USH2A: variants seen among roughly 807,000 people sequenced by gnomAD.
USH2A encodes usherin.
Under a neutral mutation model 538.9 loss-of-function variants are expected in USH2A, and 443 were observed. That is an observed-to-expected ratio of 0.82 (90% confidence interval 0.76 to 0.89). The LOEUF is 0.89. USH2A is among the 40% of genes least tolerant of loss of function. The pLI, the probability that USH2A is intolerant of heterozygous loss-of-function variation, is 0.00. For missense variants in USH2A, 6,633 were observed against 6,324.8 expected, an observed-to-expected ratio of 1.05 and a Z score of -1.65; for synonymous variants, 2,413 against 2,273.5, an observed-to-expected ratio of 1.06 and a Z score of -1.75.
At chr1:215,789,686 C>A (rs1393812324) in intron 51 of USH2A, among the ~76,000 whole-genome samples, 1 of 152,022 alleles carries the variant, frequency 6.6e-6, no homozygotes, top group Non-Finnish European at 1.5e-5. Flanking sequence ...TGATGGCTGG[C>A]GGGCTAGGGA....
intron 67 of USH2A, among the ~76,000 whole-genome samples, chr1:215,644,017 G>A (rs1656771689): frequency 6.6e-6 from 1 of 152,190 alleles, no homozygotes; most frequent in Non-Finnish European, 1.5e-5. Flanking sequence ...TTGGCTTCTG[G>A]ATGTAGTGCA....
At chr1:215,638,457 T>C (rs1415261408) in intron 69 of USH2A, among the ~76,000 whole-genome samples, 2 of 151,794 alleles carry the variant, frequency 1.3e-5, no homozygotes, top group South Asian at 4.2e-4. Context: ...CCATCTCTAC[T>C]GTAAATACAA....
chr1:216,415,555 G>C (rs11117571), intron 3 of USH2A, among the ~76,000 whole-genome samples: 1 of 137,272 alleles, frequency 7.3e-6, no homozygotes, highest in Admixed American at 7.6e-5. Flanking sequence ...TTGCTCTTTC[G>C]CCCAGGCTGG....
intron 21 of USH2A, among the ~76,000 whole-genome samples, chr1:216,098,628 G>A (rs529179322): frequency 6.6e-5 from 10 of 152,082 alleles, no homozygotes; most frequent in Middle Eastern, 6.8e-3. Context: ...TTGGACTGTC[G>A]TTTTTTCAAC....
chr1:216,415,395 A>T (rs1003174261), intron 3 of USH2A, among the ~76,000 whole-genome samples: 1 of 152,030 alleles, frequency 6.6e-6, no homozygotes, highest in Non-Finnish European at 1.5e-5. Flanking sequence ...CAATTAGTAC[A>T]TTCCTTATTA....
In USH2A at chr1:215,762,612, T is replaced by C. The variant is rs1485016945; in HGVS notation, c.11048-2769A>G. On this transcript the variant is annotated intron_variant, in intron 56 of 71. Coordinates refer to ENST00000307340, the MANE Select transcript of USH2A (RefSeq NM_206933.4). ...CTTGGATGGTGATATGGGGACATCG[T>C]TATCTTGGCAGCTGCAAGAAATCTT... Among the ~76,000 whole-genome samples the C allele has an allele frequency of 2.0e-5, 3 of 152,308 alleles. No homozygotes were observed. In the East Asian group the frequency reaches 5.8e-4, roughly 29 times the overall value.
At chr1:216,066,640 C>G (rs938067366) in intron 30 of USH2A, among the ~76,000 whole-genome samples, 1 of 152,066 alleles carries the variant, frequency 6.6e-6, no homozygotes. Flanking sequence ...CGTTTAATCC[C>G]CACAGCTGCC....
At chr1:216,137,323 A>G (rs1443666547) in intron 21 of USH2A, among the ~76,000 whole-genome samples, 1 of 152,218 alleles carries the variant, frequency 6.6e-6, no homozygotes, top group Non-Finnish European at 1.5e-5. Context: ...TTACAGTACT[A>G]CATGGCTGGG....
intron 14 of USH2A, among the ~76,000 whole-genome samples, chr1:216,224,885 T>C (rs2035530567): frequency 6.6e-6 from 1 of 152,178 alleles, no homozygotes; most frequent in South Asian, 2.1e-4. Context: ...TATAATCTAC[T>C]GTATATTTTG....
intron 42 of USH2A, 146 bp from the exon 43 acceptor site, chr1:215,878,026 G>C: frequency 8.7e-7 from 1 of 1,154,134 alleles, no homozygotes; most frequent in Non-Finnish European, 1.2e-6. Flanking sequence ...ACGTGGTTTT[G>C]TTTCAGATGA....
chr1:216,259,036 C>T (rs560939940), intron 11 of USH2A, among the ~76,000 whole-genome samples: 1 of 152,124 alleles, frequency 6.6e-6, no homozygotes, highest in East Asian at 1.9e-4. Context: ...CTTACTATAC[C>T]AGGGAAATGG....
chr1:216,421,357 T>C (rs1163620566), intron 2 of USH2A, among the ~76,000 whole-genome samples: 4 of 152,124 alleles, frequency 2.6e-5, no homozygotes, highest in Non-Finnish European at 5.9e-5. Flanking sequence ...TTACTGAACA[T>C]CTTCCATGAG....
At position 216,326,317 on chromosome 1, in the gene USH2A, C is replaced by T. The variant is rs11585676; in HGVS notation, c.849-718G>A. ...CACCTTCCCAGACATTTCAGGTAGG[C>T]CAAAATTAGTAATCAAGGTCTTACC... On this transcript the variant is annotated intron_variant, in intron 5 of 71. Transcript: ENST00000307340. Among the ~76,000 whole-genome samples, 1,268 of 152,286 alleles carry T rather than the reference C, an allele frequency of 8.3e-3. 11 individuals carry two copies. The highest frequency in any genetic ancestry group is 0.02 in the Middle Eastern group (6 of 294).
intron 32 of USH2A, among the ~76,000 whole-genome samples, chr1:216,020,960 G>C (rs933496056): frequency 3.9e-5 from 6 of 152,122 alleles, no homozygotes; most frequent in Admixed American, 1.3e-4. Flanking sequence ...GTGTAGCTCA[G>C]CTGGAGAGAA....
At chr1:215,722,554 G>A (rs975071202) in intron 61 of USH2A, among the ~76,000 whole-genome samples, 4 of 151,988 alleles carry the variant, frequency 2.6e-5, no homozygotes, top group African/African-American at 9.7e-5. Context: ...CTACTTAATG[G>A]TAAAGATATA....
intron 50 of USH2A, among the ~76,000 whole-genome samples, chr1:215,794,128 G>T (rs1253827442): frequency 2.0e-5 from 3 of 152,050 alleles, no homozygotes; most frequent in Admixed American, 6.6e-5. Flanking sequence ...CAACGCATCT[G>T]CCCAGAGAGA....
At chr1:215,744,310 T>C (rs962261430) in intron 58 of USH2A, among the ~76,000 whole-genome samples, 1 of 152,210 alleles carries the variant, frequency 6.6e-6, no homozygotes, top group African/African-American at 2.4e-5. Context: ...TTTTTCACCA[T>C]TCCTTCCTAA....
At chr1:216,204,239 C>T (rs1430707981) in intron 16 of USH2A, 2 of 152,366 alleles carry the variant, frequency 1.3e-5, no homozygotes, top group African/African-American at 2.4e-5. Context: ...TCACTTCCTT[C>T]CTATGACACG....
intron 3 of USH2A, among the ~76,000 whole-genome samples, chr1:216,411,989 A>T (rs536973232): frequency 1.3e-5 from 2 of 152,252 alleles, no homozygotes; most frequent in African/African-American, 4.8e-5. Context: ...CACTTACCAC[A>T]ATTATAATTT....
Sources: allele counts gnomAD v4.1 joint callset (sites outside exome capture counted in the v4.1 genomes callset), GRCh38; gene constraint gnomAD v4.1.1; transcripts MANE v1.5; gene names NCBI Gene and HGNC (gene_info 2026-07-23, HGNC 2026-07-21).